Variants in MIB1 observed in about 807,000 individuals in gnomAD.
MIB1 encodes the protein MIB E3 ubiquitin protein ligase 1, also known as E3 ubiquitin-protein ligase MIB1.
MIB1 carries 278 observed loss-of-function variants against 124.5 expected under a neutral mutation model. The observed-to-expected ratio is 2.23, with a 90% CI of 2.02 to 2.47. The LOEUF (loss-of-function observed/expected upper bound fraction) is 2.47. Ranked by LOEUF, MIB1 falls within the 30% of genes most tolerant of loss-of-function variation. MIB1 has a pLI of 0.00. For missense variants in MIB1, 957 were observed against 1,254.4 expected (o/e 0.76, Z 3.58); for synonymous variants, 446 against 429.4 (o/e 1.04, Z -0.48).
intron 11 of MIB1, chr18:21,817,710 A>T (rs911153883): frequency 6.8e-6 from 3 of 444,274 alleles, no homozygotes; most frequent in African/African-American, 6.1e-5. Context: ...CATGATGTAC[A>T]GTCCCTTTCC....
rs1289480675 is a variant in MIB1, at chr18:21,798,238, A to G, written c.1237+10A>G. On this transcript the variant is annotated intron_variant, in intron 8 of 20. Coordinates refer to ENST00000261537, the MANE Select transcript of MIB1 (RefSeq NM_020774.4). ...AGCAATGCATCTGGTGGTATGTTTT[A>G]TATTGTGTTTCTTTAAGAGTAATGT... 3.1e-6 allele frequency: 5 copies of G among 1,612,252 alleles called. No individual in the cohort carries two copies. The East Asian group carries it at 8.9e-5, about 29-fold the overall frequency.
chr18:21,705,904 T>A (rs955183746), intron 1 of MIB1, among the ~76,000 whole-genome samples: 10 of 152,202 alleles, frequency 6.6e-5, no homozygotes, highest in Admixed American at 6.5e-4. Context: ...GGACTCCCCG[T>A]GAGCAGAAGT....
chr18:21,785,071 T>C (rs1031083020), intron 6 of MIB1, among the ~76,000 whole-genome samples: 1 of 152,166 alleles, frequency 6.6e-6, no homozygotes, highest in African/African-American at 2.4e-5. Context: ...GAAGAAATAA[T>C]GATGTAAGCT....
At chr18:21,757,920 A>T (rs1460205337) in intron 1 of MIB1, among the ~76,000 whole-genome samples, 1 of 152,184 alleles carries the variant, frequency 6.6e-6, no homozygotes, top group East Asian at 1.9e-4. Context: ...TTTAAATAAG[A>T]TCCATGCTAG....
chr18:21,851,394 A>T (rs1410024564), intron 17 of MIB1, among the ~76,000 whole-genome samples: 1 of 152,146 alleles, frequency 6.6e-6, no homozygotes, highest in African/African-American at 2.4e-5. Context: ...TGATTTTTAA[A>T]TTATGAAAGT....
chr18:21,845,092 C>T (rs2042124000), intron 15 of MIB1, among the ~76,000 whole-genome samples: 1 of 151,928 alleles, frequency 6.6e-6, no homozygotes, highest in Non-Finnish European at 1.5e-5. Context: ...CTCACTGCAA[C>T]CTCCGCCTCC....
chr18:21,759,143 C>G (rs1353565355), intron 1 of MIB1, among the ~76,000 whole-genome samples: 2 of 151,498 alleles, frequency 1.3e-5, no homozygotes, highest in East Asian at 3.9e-4. Flanking sequence ...CCATGAGTTT[C>G]TTTATATTAC....
chr18:21,709,091 C>T (rs1385229357), intron 1 of MIB1, among the ~76,000 whole-genome samples: 9 of 151,958 alleles, frequency 5.9e-5, no homozygotes, highest in Admixed American at 2.0e-4. Context: ...CCGAGGCGGG[C>T]GGATCACGAG....
chr18:21,751,746 G>T (rs533817445), intron 1 of MIB1, among the ~76,000 whole-genome samples: 1 of 151,468 alleles, frequency 6.6e-6, no homozygotes, highest in East Asian at 1.9e-4. Context: ...GTCCTTGCAG[G>T]CCTGAAAATT....
intron 7 of MIB1, among the ~76,000 whole-genome samples, chr18:21,792,541 CAT>C (rs1191648763): frequency 1.3e-5 from 2 of 152,074 alleles, no homozygotes; most frequent in African/African-American, 4.8e-5. Flanking sequence ...TATTTTAGCA[CAT>C]ATAATATGCC....
intron 1 of MIB1, among the ~76,000 whole-genome samples, chr18:21,705,689 T>C (rs2040619103): frequency 6.6e-6 from 1 of 152,176 alleles, no homozygotes; most frequent in African/African-American, 2.4e-5. Flanking sequence ...AAATTAATGA[T>C]GTAATTTAGA....
intron 6 of MIB1, among the ~76,000 whole-genome samples, chr18:21,783,197 T>A (rs2146431864): frequency 6.6e-6 from 1 of 152,156 alleles, no homozygotes; most frequent in African/African-American, 2.4e-5. Flanking sequence ...GAGCACAGGG[T>A]TGGGTCATTT....
chr18:21,852,232 A>G (rs1469715458), intron 17 of MIB1, among the ~76,000 whole-genome samples: 1 of 152,226 alleles, frequency 6.6e-6, no homozygotes, highest in Non-Finnish European at 1.5e-5. Flanking sequence ...TGCATTCTGC[A>G]TTCTGCTTTT....
At chr18:21,829,697 C>CT (rs1157620499) in intron 12 of MIB1, among the ~76,000 whole-genome samples, 1 of 151,930 alleles carries the variant, frequency 6.6e-6, no homozygotes, top group Non-Finnish European at 1.5e-5. Flanking sequence ...ATTCTTTTTT[C>CT]TTTATTAGTT....
chr18:21,708,630 C>T (rs1366701497), intron 1 of MIB1, among the ~76,000 whole-genome samples: 1 of 152,120 alleles, frequency 6.6e-6, no homozygotes, highest in Non-Finnish European at 1.5e-5. Flanking sequence ...GCACTCCAGC[C>T]TGGGCGACAG....
intron 12 of MIB1, among the ~76,000 whole-genome samples, chr18:21,824,064 T>G (rs2041903546): frequency 1.3e-5 from 2 of 152,160 alleles, no homozygotes; most frequent in South Asian, 4.1e-4. Context: ...TCTGCAGAGC[T>G]GGCAAAAACA....
At chr18:21,764,234 C>T (rs569690256) in intron 1 of MIB1, among the ~76,000 whole-genome samples, 2 of 152,060 alleles carry the variant, frequency 1.3e-5, no homozygotes, top group African/African-American at 4.8e-5. Context: ...CGTTCCCTTC[C>T]TCCTTCCTTC....
intron 1 of MIB1, among the ~76,000 whole-genome samples, chr18:21,761,987 G>A (rs1479227988): frequency 1.3e-5 from 2 of 152,048 alleles, no homozygotes; most frequent in African/African-American, 2.4e-5. Context: ...ACACGGTGGG[G>A]GGGACTTTCA....
At chr18:21,815,011 T>TTATA (rs60363843) in intron 10 of MIB1, among the ~76,000 whole-genome samples, 1,186 of 52,424 alleles carry the variant, frequency 0.023, 16 homozygotes, top group Middle Eastern at 0.027. Context: ...GCTGTTGGTT[T>TTATA]TATATATATA....
Sources: allele counts gnomAD v4.1 joint callset (sites outside exome capture counted in the v4.1 genomes callset), GRCh38; gene constraint gnomAD v4.1.1; transcripts MANE v1.5; gene names NCBI Gene and HGNC (gene_info 2026-07-23, HGNC 2026-07-21).